CTNND2: variants seen among roughly 807,000 people sequenced by gnomAD.
CTNND2 encodes catenin delta-2.
A neutral mutation model predicts 144.4 loss-of-function variants in CTNND2; 22 were observed. The ratio of observed to expected loss-of-function variants is 0.15; its 90% CI spans 0.11 to 0.22. The LOEUF (loss-of-function observed/expected upper bound fraction) is 0.22. CTNND2 is among the 10% of genes least tolerant of loss of function. The pLI is 1.00. For synonymous variants in CTNND2, 751 were observed against 695.6 expected (o/e 1.08, Z -1.25); for missense variants, 1,353 against 1,618.8 (o/e 0.84, Z 2.82).
intron 8 of CTNND2, among the ~76,000 whole-genome samples, chr5:11,353,763 G>A (rs899327962): frequency 4.0e-5 from 6 of 151,076 alleles, no homozygotes; most frequent in Admixed American, 1.3e-4. Flanking sequence ...AGATTGTGCC[G>A]TCGCATTCTG....
At chr5:11,110,218 CT>C (rs1261410910) in intron 14 of CTNND2, among the ~76,000 whole-genome samples, 2 of 152,128 alleles carry the variant, frequency 1.3e-5, no homozygotes, top group Non-Finnish European at 2.9e-5. Context: ...CTTCGTTTTG[CT>C]GCAGGGGAAC....
At chr5:11,821,969 T>C (rs982053812) in intron 1 of CTNND2, among the ~76,000 whole-genome samples, 9 of 152,152 alleles carry the variant, frequency 5.9e-5, no homozygotes, top group Non-Finnish European at 1.2e-4. Flanking sequence ...ATTCTGAGTT[T>C]TTCATCAATA....
intron 9 of CTNND2, among the ~76,000 whole-genome samples, chr5:11,299,346 G>A (rs540989849): frequency 5.3e-5 from 8 of 152,222 alleles, no homozygotes; most frequent in South Asian, 2.1e-4. Context: ...CTGAGACCTC[G>A]TTACTGCCAT....
At chr5:11,534,848 C>G (rs1258162278) in intron 3 of CTNND2, among the ~76,000 whole-genome samples, 1 of 152,138 alleles carries the variant, frequency 6.6e-6, no homozygotes, top group Admixed American at 6.6e-5. Context: ...TCTCTCTGCT[C>G]TAACTTTTGT....
chr5:11,286,161 C>A (rs1747731385), intron 9 of CTNND2, among the ~76,000 whole-genome samples: 2 of 151,604 alleles, frequency 1.3e-5, no homozygotes, highest in South Asian at 4.2e-4. Flanking sequence ...AATAAAGGAG[C>A]ATGATACTAT....
chr5:11,435,041 T>C, intron 3 of CTNND2, among the ~76,000 whole-genome samples: 1 of 152,100 alleles, frequency 6.6e-6, no homozygotes, highest in East Asian at 1.9e-4. Context: ...GAAATAGAGA[T>C]ATTCAGTGTC....
chr5:11,774,275 A>G (rs917637866), intron 1 of CTNND2, among the ~76,000 whole-genome samples: 3 of 151,936 alleles, frequency 2.0e-5, no homozygotes, highest in African/African-American at 7.2e-5. Flanking sequence ...ATGTCCCTAC[A>G]AAGGACATGA....
chr5:11,796,129 C>G (rs1355567829), intron 1 of CTNND2, among the ~76,000 whole-genome samples: 1 of 152,210 alleles, frequency 6.6e-6, no homozygotes, highest in Admixed American at 6.5e-5. Context: ...CATTTAGGAA[C>G]TCACGTGATT....
intron 12 of CTNND2, among the ~76,000 whole-genome samples, chr5:11,142,052 G>A (rs1181442429): frequency 6.6e-6 from 1 of 152,096 alleles, no homozygotes; most frequent in African/African-American, 2.4e-5. Flanking sequence ...GCAGCAAGAA[G>A]GCCCTCACCA....
At chr5:11,369,773 T>C (rs559856686) in intron 7 of CTNND2, among the ~76,000 whole-genome samples, 2 of 151,116 alleles carry the variant, frequency 1.3e-5, no homozygotes, top group Non-Finnish European at 2.9e-5. Flanking sequence ...GGTTGTGGTG[T>C]TGGGATAGGG....
At chr5:11,038,305 G>A (rs891030067) in intron 16 of CTNND2, among the ~76,000 whole-genome samples, 6 of 152,126 alleles carry the variant, frequency 3.9e-5, no homozygotes, top group East Asian at 1.9e-4. Flanking sequence ...CCTGAGCTTC[G>A]CCTTCTGTCA....
chr5:11,281,966 T>C (rs981962552), intron 9 of CTNND2, among the ~76,000 whole-genome samples: 3 of 152,322 alleles, frequency 2.0e-5, no homozygotes, highest in South Asian at 2.1e-4. Flanking sequence ...CAAAACTTAG[T>C]AGCTTAAAAC....
At position 11,865,902 on chromosome 5, in the gene CTNND2, C is replaced by CA. The variant is rs56310600; in HGVS notation, c.37+37914dup. Reference sequence around the variant, plus strand: ...GGCAACCTTTAGAAGCTGGAAGAGACAAAAAAAAAAAAACGAGTTCTCCTC... The same window carrying CA: ...GGCAACCTTTAGAAGCTGGAAGAGACAAAAAAAAAAAAAACGAGTTCTCCTC... On this transcript the variant is annotated intron_variant, in intron 1 of 21. Transcript: ENST00000304623. Among the ~76,000 whole-genome samples, 54 of 87,448 alleles carry CA rather than the reference C, an allele frequency of 6.2e-4. 4 individuals carry two copies. The highest frequency in any genetic ancestry group is 2.0e-3 in the African/African-American group (49 of 25,074). The allele number at this position is 87,448 out of a possible 152,430, so 57.4% of individuals were successfully genotyped here. A position where few individuals can be genotyped will look rare whatever the true frequency, so the allele number is the denominator to read the frequency against.
intron 10 of CTNND2, among the ~76,000 whole-genome samples, chr5:11,203,048 G>GC (rs1737645842): frequency 6.6e-6 from 1 of 151,942 alleles, no homozygotes; most frequent in African/African-American, 2.4e-5. Context: ...CAGGTGATCT[G>GC]CCTGCCTCGG....
intron 12 of CTNND2, among the ~76,000 whole-genome samples, chr5:11,139,376 T>C (rs141083810): frequency 8.3e-4 from 127 of 152,340 alleles, no homozygotes; most frequent in African/African-American, 2.9e-3. Flanking sequence ...GAAAGCACGC[T>C]GACAGTGGCT....
At chr5:11,000,845 G>A (rs1350811474) in intron 18 of CTNND2, among the ~76,000 whole-genome samples, 3 of 152,134 alleles carry the variant, frequency 2.0e-5, no homozygotes, top group Non-Finnish European at 4.4e-5. Context: ...GTTCTCTTTA[G>A]GTTATTCCGG....
At chr5:11,463,011 A>G (rs528274475) in intron 3 of CTNND2, among the ~76,000 whole-genome samples, 3 of 152,334 alleles carry the variant, frequency 2.0e-5, no homozygotes, top group Non-Finnish European at 4.4e-5. Flanking sequence ...AAACTCATTA[A>G]AAAGCTGTTT....
intron 9 of CTNND2, among the ~76,000 whole-genome samples, chr5:11,295,698 T>C (rs957970278): frequency 1.3e-5 from 2 of 152,174 alleles, no homozygotes; most frequent in South Asian, 2.1e-4. Flanking sequence ...AACTATCTGA[T>C]CTTTGACAAA....
intron 16 of CTNND2, among the ~76,000 whole-genome samples, chr5:11,043,623 C>T (rs1008525403): frequency 6.6e-6 from 1 of 152,080 alleles, no homozygotes; most frequent in Non-Finnish European, 1.5e-5. Context: ...CAAAAATGGA[C>T]CAAAGTTTAT....
Sources: gnomAD v4.1 joint callset for allele counts (sites outside exome capture counted in the v4.1 genomes callset) on GRCh38, gnomAD v4.1.1 for gene constraint, MANE v1.5 for transcripts, NCBI Gene and HGNC (gene_info 2026-07-23, HGNC 2026-07-21) for gene names.